The following GLIS3 variants were observed in gnomAD, a reference collection of about 807,000 sequenced individuals.
GLIS3 encodes the protein zinc finger protein GLIS3.
A neutral mutation model predicts 78.6 loss-of-function variants in GLIS3; 53 were observed. That is an observed-to-expected ratio of 0.67 (90% CI 0.54 to 0.85). The LOEUF (loss-of-function observed/expected upper bound fraction) is 0.85. GLIS3 is among the 40% of genes least tolerant of loss of function. The probability of loss-of-function intolerance (pLI) is 0.00; values close to 1 mark genes in which losing one functional copy is unlikely to be tolerated. For missense variants in GLIS3, 1,703 were observed against 1,231.1 expected (o/e 1.38, Z -5.74); for synonymous variants, 684 against 509.9 (o/e 1.34, Z -4.60).
At chr9:3,840,252 A>G (rs1818631253) in intron 9 of GLIS3, among the ~76,000 whole-genome samples, 1 of 152,200 alleles carries the variant, frequency 6.6e-6, no homozygotes, top group African/African-American at 2.4e-5. Flanking sequence ...AGTAATTTTT[A>G]TTACACAACC....
intron 6 of GLIS3, 112 bp from the exon 7 acceptor site, chr9:3,898,947 G>C (rs1395204706): frequency 1.3e-5 from 18 of 1,360,302 alleles, no homozygotes; most frequent in Non-Finnish European, 1.8e-5. Context: ...AATTTATCAA[G>C]CAGCAACTAC....
At chr9:4,111,853 G>T (rs1433104099) in intron 4 of GLIS3, among the ~76,000 whole-genome samples, 1 of 152,180 alleles carries the variant, frequency 6.6e-6, no homozygotes, top group Non-Finnish European at 1.5e-5. Context: ...ATGTTCACTG[G>T]TGGTGTTTCA....
chr9:3,913,012 G>A (rs998178035), intron 6 of GLIS3, among the ~76,000 whole-genome samples: 1 of 151,920 alleles, frequency 6.6e-6, no homozygotes, highest in African/African-American at 2.4e-5. Context: ...GTATTCTCAG[G>A]GTTTAATTAA....
At chr9:4,419,711 C>T in the GLIS3 span, among the ~76,000 whole-genome samples, 1 of 152,056 alleles carries the variant, frequency 6.6e-6, no homozygotes, top group Non-Finnish European at 1.5e-5. Context: ...ACCCAGGAGG[C>T]AGAAGTTGCA....
At chr9:4,293,782 C>A (rs1240386827) in intron 1 of GLIS3, among the ~76,000 whole-genome samples, 1 of 152,202 alleles carries the variant, frequency 6.6e-6, no homozygotes, top group Admixed American at 6.5e-5. Flanking sequence ...TCTGATCTTG[C>A]ATTGTGACGC....
chr9:4,201,349 G>C (rs985710055), intron 2 of GLIS3, among the ~76,000 whole-genome samples: 1 of 151,900 alleles, frequency 6.6e-6, no homozygotes. Flanking sequence ...TCAGACAAGA[G>C]AAAGAAAAAA....
chr9:4,045,657 C>A (rs188770132), intron 4 of GLIS3, among the ~76,000 whole-genome samples: 2 of 152,136 alleles, frequency 1.3e-5, no homozygotes, highest in African/African-American at 4.8e-5. Flanking sequence ...TTTGTACATG[C>A]AATGTAACAA....
At chr9:3,877,245 A>T (rs1821376429) in intron 8 of GLIS3, among the ~76,000 whole-genome samples, 1 of 147,814 alleles carries the variant, frequency 6.8e-6, no homozygotes, top group Non-Finnish European at 1.5e-5. Context: ...TATAAAATGC[A>T]TTTTTTTAAA....
chr9:4,118,483 T>C lies in GLIS3; in HGVS notation c.995A>G (p.Asn332Ser), dbSNP rs1311438996. 1.9e-6 allele frequency: 3 copies of C among 1,613,958 alleles called. No homozygotes were observed. The highest frequency in any genetic ancestry group is 1.6e-4 in the Middle Eastern group (1 of 6,084). ...TSPTSLVAYI[N>S]GSRASPANLS... The stretch of plus-strand genomic sequence containing the variant: ...GTTGGCCGGCGAAGCCCTCGACCCG[T>C]TGATGTAGGCCACCAAGGACGTGGG... Residue 332 changes from asparagine to serine, a missense_variant, in exon 4 of 11, where the codon AAC becomes AGC. Physicochemically the swap from Asn to Ser is conservative, Grantham distance 46 (BLOSUM62 1). Coordinates refer to ENST00000381971, the MANE Select transcript of GLIS3 (RefSeq NM_001042413.2). The surrounding 1 kb of genome is among the most constrained non-coding windows in gnomAD (Gnocchi z 4.7).
chr9:4,006,494 A>G (rs1158222887), intron 4 of GLIS3, among the ~76,000 whole-genome samples: 2 of 152,152 alleles, frequency 1.3e-5, no homozygotes, highest in Non-Finnish European at 2.9e-5. Flanking sequence ...GTTGAGGAAC[A>G]CTTGAGGACC....
At chr9:4,352,420 T>C (rs1817983878), upstream of GLIS3, among the ~76,000 whole-genome samples, 1 of 152,238 alleles carries the variant, frequency 6.6e-6, no homozygotes. Context: ...TTTTGGCCTG[T>C]GAGGGTATGG....
chr9:3,981,941 G>A (rs1324756511), intron 4 of GLIS3, among the ~76,000 whole-genome samples: 2 of 152,108 alleles, frequency 1.3e-5, no homozygotes, highest in African/African-American at 2.4e-5. Context: ...CAGTGTATCT[G>A]CCACAGAGGG....
chr9:4,464,417 CAG>C, the GLIS3 span, among the ~76,000 whole-genome samples: 2 of 150,946 alleles, frequency 1.3e-5, no homozygotes, highest in East Asian at 1.9e-4. Flanking sequence ...TTTTTTGAGA[CAG>C]AGTCTTGCTC....
At chr9:4,270,809 C>T (rs1188317135) in intron 2 of GLIS3, among the ~76,000 whole-genome samples, 2 of 152,168 alleles carry the variant, frequency 1.3e-5, no homozygotes, top group South Asian at 2.1e-4. Flanking sequence ...TTGCTGACTG[C>T]AGATGGTAAG....
At chr9:4,138,630 C>T (rs892846254) in intron 2 of GLIS3, among the ~76,000 whole-genome samples, 13 of 152,164 alleles carry the variant, frequency 8.5e-5, no homozygotes, top group Admixed American at 6.5e-5. Flanking sequence ...AAGAATGAGA[C>T]ACTAGGGCCA....
chr9:3,867,340 G>C (rs528312440), intron 8 of GLIS3, among the ~76,000 whole-genome samples: 1 of 152,192 alleles, frequency 6.6e-6, no homozygotes, highest in South Asian at 2.1e-4. Flanking sequence ...TTCCTTATAA[G>C]TGTACATGTG....
At chr9:4,420,685 G>T in the GLIS3 span, among the ~76,000 whole-genome samples, 1 of 152,096 alleles carries the variant, frequency 6.6e-6, no homozygotes, top group Admixed American at 6.6e-5. Flanking sequence ...GAAGCATGGG[G>T]CCCCAGTGTA....
the GLIS3 span, among the ~76,000 whole-genome samples, chr9:4,489,239 C>T: frequency 6.6e-6 from 1 of 152,204 alleles, no homozygotes; most frequent in East Asian, 1.9e-4. Flanking sequence ...TTCTTTCTCT[C>T]AAAGTTTACT....
chr9:4,461,604 T>C, the GLIS3 span, among the ~76,000 whole-genome samples: 1 of 152,216 alleles, frequency 6.6e-6, no homozygotes, highest in African/African-American at 2.4e-5. Context: ...GAGCTTGTTC[T>C]TCCTTGCCTC....
Sources: gnomAD v4.1 joint callset for allele counts (sites outside exome capture counted in the v4.1 genomes callset) on GRCh38, gnomAD v4.1.1 for gene constraint, Gnocchi (gnomAD v3.1) non-coding constraint, MANE v1.5 for transcripts, NCBI Gene and HGNC (gene_info 2026-07-23, HGNC 2026-07-21) for gene names.